Variants in FOXJ3 observed in about 807,000 individuals in gnomAD.
FOXJ3 encodes forkhead box protein J3.
Under a neutral mutation model 76.1 loss-of-function variants are expected in FOXJ3, and 22 were observed. That is an observed-to-expected ratio of 0.29 (90% CI 0.21 to 0.41). The LOEUF is 0.41. FOXJ3 is among the 10% of genes least tolerant of loss of function. The pLI is 1.00. For synonymous variants in FOXJ3, 269 were observed against 261.2 expected, an observed-to-expected ratio of 1.03 and a Z score of -0.29; for missense variants, 613 against 762.1, an observed-to-expected ratio of 0.80 and a Z score of 2.30.
chr1:42,306,298 CTTTTTTTTTTTTT>C (rs9326121), intron 2 of FOXJ3, among the ~76,000 whole-genome samples: 3 of 81,670 alleles, frequency 3.7e-5, no homozygotes, highest in East Asian at 3.8e-4. Flanking sequence ...GAACTTTTTT[CTTTTTTTTTTTTT>C]TTTTTTTTTT....
At chr1:42,237,401 CATACATAT>C (rs1557663197) in intron 4 of FOXJ3, among the ~76,000 whole-genome samples, 2 of 46,866 alleles carry the variant, frequency 4.3e-5, no homozygotes, top group Middle Eastern at 0.01. Flanking sequence ...TACATACATA[CATACATAT>C]ATATATATAT....
intron 11 of FOXJ3, among the ~76,000 whole-genome samples, chr1:42,185,489 T>A (rs1396624176): frequency 2.0e-5 from 3 of 151,930 alleles, no homozygotes; most frequent in Non-Finnish European, 4.4e-5. Context: ...CTCGATCTCC[T>A]GACCTCATGA....
chr1:42,276,275 G>C (rs1212703655), intron 3 of FOXJ3, among the ~76,000 whole-genome samples: 2 of 151,988 alleles, frequency 1.3e-5, no homozygotes, highest in Non-Finnish European at 2.9e-5. Context: ...AGAATTGCTT[G>C]AACCCAGGAG....
At chr1:42,203,358 A>G in intron 6 of FOXJ3, among the ~76,000 whole-genome samples, 1 of 152,172 alleles carries the variant, frequency 6.6e-6, no homozygotes, top group Non-Finnish European at 1.5e-5. Flanking sequence ...GCTGCACCCT[A>G]TACTTATGGA....
intron 4 of FOXJ3, among the ~76,000 whole-genome samples, chr1:42,262,797 T>C (rs1158627282): frequency 6.6e-6 from 1 of 152,142 alleles, no homozygotes; most frequent in Admixed American, 6.5e-5. Flanking sequence ...TGCAGTGAGC[T>C]GAGACTGCAC....
At chr1:42,179,873 G>C in intron 12 of FOXJ3, 48 bp from the exon 13 acceptor site, 1 of 1,250,894 alleles carries the variant, frequency 8.0e-7, no homozygotes, top group African/African-American at 1.5e-5. Context: ...AGAGAAGAAA[G>C]TAAGAAATAA....
chr1:42,321,095 C>A (rs1655403841), intron 1 of FOXJ3, among the ~76,000 whole-genome samples: 1 of 152,160 alleles, frequency 6.6e-6, no homozygotes, highest in African/African-American at 2.4e-5. Context: ...TTACCTGCCT[C>A]ATTCCCAAAG....
intron 5 of FOXJ3, among the ~76,000 whole-genome samples, chr1:42,223,769 G>A (rs1299303737): frequency 6.6e-6 from 1 of 152,150 alleles, no homozygotes; most frequent in African/African-American, 2.4e-5. Context: ...TTTAAATCAA[G>A]GATGATGAGC....
intron 1 of FOXJ3, among the ~76,000 whole-genome samples, chr1:42,327,052 T>C (rs1033334162): frequency 1.3e-5 from 2 of 152,238 alleles, no homozygotes; most frequent in African/African-American, 4.8e-5. Context: ...AAGGCTGTTA[T>C]AAGTCTCCAA....
At chr1:42,190,021 G>C (rs1436982500) in intron 9 of FOXJ3, among the ~76,000 whole-genome samples, 1 of 152,192 alleles carries the variant, frequency 6.6e-6, no homozygotes, top group African/African-American at 2.4e-5. Flanking sequence ...AGGAAGAAGG[G>C]TGAGATCTCT....
At chr1:42,277,190 C>A (rs114005224) in intron 3 of FOXJ3, among the ~76,000 whole-genome samples, 2,940 of 151,672 alleles carry the variant, frequency 0.019, 38 homozygotes, top group Non-Finnish European at 0.03. Flanking sequence ...ACACCTGTAA[C>A]CCCAAAACTT....
intron 2 of FOXJ3, among the ~76,000 whole-genome samples, chr1:42,283,587 T>C (rs1398021857): frequency 6.6e-6 from 1 of 152,246 alleles, no homozygotes; most frequent in Non-Finnish European, 1.5e-5. Flanking sequence ...AACAATGTTG[T>C]GACCCAAATA....
intron 11 of FOXJ3, among the ~76,000 whole-genome samples, chr1:42,186,538 T>G (rs1305907960): frequency 2.6e-5 from 4 of 151,682 alleles, no homozygotes; most frequent in Non-Finnish European, 5.9e-5. Context: ...ACAGAAAAAA[T>G]TAACAGAATC....
chr1:42,238,832 C>T (rs374965122), intron 4 of FOXJ3, among the ~76,000 whole-genome samples: 12 of 152,250 alleles, frequency 7.9e-5, no homozygotes, highest in African/African-American at 2.6e-4. Context: ...TGTGAGCCAC[C>T]GCACCCAGCC....
intron 4 of FOXJ3, among the ~76,000 whole-genome samples, chr1:42,235,424 T>G (rs2124493738): frequency 6.6e-6 from 1 of 152,300 alleles, no homozygotes; most frequent in African/African-American, 2.4e-5. Flanking sequence ...ACCCACTTTC[T>G]GACACTCCCC....
At chr1:42,316,036 G>A (rs1428092111) in intron 1 of FOXJ3, among the ~76,000 whole-genome samples, 1 of 152,168 alleles carries the variant, frequency 6.6e-6, no homozygotes, top group African/African-American at 2.4e-5. Context: ...GTATTCAAGT[G>A]TACATTAAAC....
chr1:42,311,650 A>AAGTAGTAGTAGTAGTAGTAGTAGT (rs142219815), intron 1 of FOXJ3, among the ~76,000 whole-genome samples: 4,683 of 149,444 alleles, frequency 0.031, 103 homozygotes, highest in East Asian at 0.084. Flanking sequence ...TTTAAAAAAA[A>AAGTAGTAGTAGTAGTAGTAGTAGT]AGTAGTAGTA....
rs1356384605 is a variant in FOXJ3 at position 42,265,296 on chromosome 1, T to C, written c.370-107A>G. 3 of 589,108 alleles carry C rather than the reference T, an allele frequency of 5.1e-6. No individual in the cohort carries two copies. In the African/African-American group the frequency reaches 5.8e-5, roughly 11 times the overall value. 36.5% of individuals were successfully genotyped at this position (589,108 alleles called of 1,614,324 possible). A position where few individuals can be genotyped will look rare whatever the true frequency, so the allele number is the denominator to read the frequency against. ...AACATCTTTATGCTTTGCAAAACAA[T>C]TACAAATGGAATAAACTTTTTAATC... is the stretch of plus-strand genomic sequence containing the variant. On this transcript the variant is annotated intron_variant, in intron 3 of 12. Coordinates refer to ENST00000361346, the MANE Select transcript of FOXJ3 (RefSeq NM_014947.5).
At chr1:42,321,484 ATTTACT>A (rs1303732733) in intron 1 of FOXJ3, among the ~76,000 whole-genome samples, 1 of 152,166 alleles carries the variant, frequency 6.6e-6, no homozygotes, top group Non-Finnish European at 1.5e-5. Context: ...GGTCTGGATT[ATTTACT>A]TTTAACTGGC....
Sources: gnomAD v4.1 joint callset for allele counts (sites outside exome capture counted in the v4.1 genomes callset) on GRCh38, gnomAD v4.1.1 for gene constraint, MANE v1.5 for transcripts, NCBI Gene and HGNC (gene_info 2026-07-23, HGNC 2026-07-21) for gene names.